PCA3: variants seen among roughly 807,000 people sequenced by gnomAD.
The protein encoded by PCA3 is Differential Display code 3.
At chr9:76,766,206 G>T (rs1293556467) in intron 2 of PCA3, among the ~76,000 whole-genome samples, 1 of 149,620 alleles carries the variant, frequency 6.7e-6, no homozygotes, top group African/African-American at 2.5e-5. Flanking sequence ...AAACTCTTTA[G>T]AAATATACCA....
intron 2 of PCA3, chr9:76,787,023 T>C (rs1206416519): frequency 6.6e-6 from 1 of 152,216 alleles, no homozygotes; most frequent in Non-Finnish European, 1.5e-5. Flanking sequence ...CTGCCTTCAG[T>C]GTCCTCTGCA....
chr9:76,773,010 C>G (rs556810750), intron 2 of PCA3, among the ~76,000 whole-genome samples: 2 of 152,286 alleles, frequency 1.3e-5, no homozygotes, highest in South Asian at 2.1e-4. Flanking sequence ...ACCTTGCCAC[C>G]TGGGAAAAGG....
At chr9:76,785,977 C>G (rs1421670742) in intron 2 of PCA3, 1 of 152,184 alleles carries the variant, frequency 6.6e-6, no homozygotes, top group Non-Finnish European at 1.5e-5. Flanking sequence ...AAATCTAACT[C>G]CTACCATCAG....
chr9:76,781,077 A>G (rs990767223), intron 2 of PCA3, among the ~76,000 whole-genome samples: 2 of 152,242 alleles, frequency 1.3e-5, no homozygotes, highest in Non-Finnish European at 2.9e-5. Context: ...TTAAATATCT[A>G]TAAAAATGTA....
chr9:76,780,798 C>T (rs900950071), intron 2 of PCA3, among the ~76,000 whole-genome samples: 2 of 152,220 alleles, frequency 1.3e-5, no homozygotes, highest in Non-Finnish European at 2.9e-5. Context: ...AAGACAGCTA[C>T]TGAGAACCAA....
At chr9:76,786,191 C>T (rs576814280) in intron 2 of PCA3, 1 of 151,982 alleles carries the variant, frequency 6.6e-6, no homozygotes, top group East Asian at 1.9e-4. Flanking sequence ...AGCTCAGGTG[C>T]TTTCACTAAT....
At position 76,776,290 on chromosome 9, in the gene PCA3, G is replaced by A. The variant is rs192208964; in HGVS notation, n.853-32293G>A. ...ATTTTTCATTCCTTACCACCCTCCC[G>A]CCTTCCCACCTTTTGGACTCTCCGA... On this transcript the variant is annotated intron_variant and non_coding_transcript_variant, in intron 2 of 5. Transcript: ENST00000644657. Among the ~76,000 whole-genome samples the A allele has an allele frequency of 3.0e-3, 452 of 151,932 alleles. 4 individuals are homozygous for A. Among genetic ancestry groups the A allele is most frequent in the African/African-American group, 9.7e-3 (402 of 41,418 alleles).
rs555241913 is a variant in PCA3, at chr9:76,775,673, T to C, written n.853-32910T>C. 6.8e-4 allele frequency among the ~76,000 whole-genome samples: 103 copies of C among 152,322 alleles called. 1 individual carries two copies. Among genetic ancestry groups the C allele is most frequent in the South Asian group, 1.7e-3 (8 of 4,820 alleles). ...CTCTTCAGGTATGCAAGGAATGTTA[T>C]CTCTTTACATTTGCCCTAGAACTCC... On this transcript the variant is annotated intron_variant and non_coding_transcript_variant, in intron 2 of 5. Coordinates refer to ENST00000644657, the Ensembl canonical transcript of PCA3.
chr9:76,774,798 G>A (rs2131032808), intron 2 of PCA3, among the ~76,000 whole-genome samples: 1 of 152,290 alleles, frequency 6.6e-6, no homozygotes, highest in South Asian at 2.1e-4. Flanking sequence ...TTTAAAGAAA[G>A]TTAAATATGG....
intron 2 of PCA3, among the ~76,000 whole-genome samples, chr9:76,774,379 C>T (rs2053456815): frequency 6.6e-6 from 1 of 151,768 alleles, no homozygotes. Flanking sequence ...CTCAAGCAAT[C>T]CACCTGCTTT....
At chr9:76,773,932 C>T (rs2053409664) in intron 2 of PCA3, among the ~76,000 whole-genome samples, 1 of 151,986 alleles carries the variant, frequency 6.6e-6, no homozygotes, top group Non-Finnish European at 1.5e-5. Context: ...AATGAGACTC[C>T]TTTATAAAGA....
At chr9:76,784,525 T>C (rs192316440) in intron 2 of PCA3, 2 of 152,272 alleles carry the variant, frequency 1.3e-5, no homozygotes, top group African/African-American at 4.8e-5. Flanking sequence ...TTGTAATATC[T>C]GATCTCTACG....
intron 2 of PCA3, among the ~76,000 whole-genome samples, chr9:76,777,217 C>A (rs1446513264): frequency 6.6e-6 from 1 of 152,142 alleles, no homozygotes; most frequent in Non-Finnish European, 1.5e-5. Flanking sequence ...GTAAGAAAGA[C>A]CATTCCAGGA....
intron 2 of PCA3, among the ~76,000 whole-genome samples, chr9:76,766,097 C>T (rs1267250394): frequency 1.3e-5 from 2 of 150,892 alleles, no homozygotes; most frequent in African/African-American, 2.4e-5. Flanking sequence ...GCAGGAGAAT[C>T]GCTTGAACCC....
intron 2 of PCA3, among the ~76,000 whole-genome samples, chr9:76,766,903 C>T (rs574265898): frequency 8.5e-4 from 130 of 152,282 alleles, no homozygotes; most frequent in African/African-American, 3.1e-3. Flanking sequence ...ACATACACAA[C>T]GCATACACAT....
chr9:76,770,312 A>G (rs996473071), intron 2 of PCA3, among the ~76,000 whole-genome samples: 1 of 152,184 alleles, frequency 6.6e-6, no homozygotes, highest in Non-Finnish European at 1.5e-5. Flanking sequence ...CTGGACTTTG[A>G]ACCAAATACT....
chr9:76,774,741 G>A (rs2053556045), intron 2 of PCA3, among the ~76,000 whole-genome samples: 1 of 152,038 alleles, frequency 6.6e-6, no homozygotes, highest in African/African-American at 2.4e-5. Flanking sequence ...TTACAAGTGT[G>A]AGCCACTAGG....
chr9:76,778,604 G>A (rs977300286), intron 2 of PCA3: 1 of 152,228 alleles, frequency 6.6e-6, no homozygotes. Flanking sequence ...TTGAGTGAAT[G>A]TGGATGATTG....
chr9:76,767,200 C>A (rs1589107006), intron 2 of PCA3, among the ~76,000 whole-genome samples: 1 of 152,126 alleles, frequency 6.6e-6, no homozygotes, highest in Admixed American at 6.5e-5. Context: ...GCCTGTAATC[C>A]CAGCACTTTG....
Sources: gnomAD v4.1 joint callset for allele counts (sites outside exome capture counted in the v4.1 genomes callset) on GRCh38, gnomAD v4.1.1 for gene constraint, MANE v1.5 for transcripts, NCBI Gene and HGNC (gene_info 2026-07-23, HGNC 2026-07-21) for gene names.